Variants in PCNP observed in about 807,000 individuals in gnomAD.
PCNP encodes the protein PEST proteolytic signal-containing nuclear protein.
PCNP carries 6 observed loss-of-function variants against 21.8 expected under a neutral mutation model. That is an observed-to-expected ratio of 0.28 (90% CI 0.15 to 0.54). PCNP has a LOEUF of 0.54. PCNP is among the 20% of genes least tolerant of loss of function. The pLI is 0.95. For synonymous variants in PCNP, 67 were observed against 73.2 expected, an observed-to-expected ratio of 0.92 and a Z score of 0.43; for missense variants, 161 against 215.5, an observed-to-expected ratio of 0.75 and a Z score of 1.58.
intron 3 of PCNP, among the ~76,000 whole-genome samples, chr3:101,585,995 A>T (rs1478585265): frequency 2.6e-5 from 4 of 151,928 alleles, no homozygotes; most frequent in African/African-American, 7.3e-5. Context: ...ATATGGTGAA[A>T]CCCCATCTCT....
chr3:101,586,601 CAGAG>C (rs59827485), intron 3 of PCNP, among the ~76,000 whole-genome samples: 2,007 of 133,394 alleles, frequency 0.015, 49 homozygotes, highest in African/African-American at 0.052. Context: ...TTTCTTGTTT[CAGAG>C]AGAGAGAGAG....
chr3:101,577,770 C>T (rs1442252075), intron 1 of PCNP, among the ~76,000 whole-genome samples: 2 of 152,122 alleles, frequency 1.3e-5, no homozygotes, highest in Admixed American at 6.5e-5. Context: ...GTGATCCACC[C>T]GCCTTGGCCT....
rs766943025 is a variant in PCNP, at chr3:101,593,781, T to G, written c.*1028T>G. On this transcript the variant is annotated 3_prime_UTR_variant, in exon 5 of 5. Transcript: ENST00000265260. ...TACTGGTAAAATTATATGGTTTATT[T>G]TAAATGCGTACATATTGACCAATGG... The G allele has an allele frequency of 2.0e-5, 3 of 152,626 alleles. No individual in the cohort carries two copies. The highest frequency in any genetic ancestry group is 4.4e-5 in the Non-Finnish European group (3 of 68,020). 9.5% of individuals were successfully genotyped at this position (152,626 alleles called of 1,614,324 possible). A position where few individuals can be genotyped will look rare whatever the true frequency, so the allele number is the denominator to read the frequency against.
chr3:101,582,187 G>A (rs1028430084), intron 2 of PCNP, among the ~76,000 whole-genome samples: 8 of 149,708 alleles, frequency 5.3e-5, no homozygotes, highest in African/African-American at 2.0e-4. Context: ...GGGCGTGGTG[G>A]CTCACACCTG....
At position 101,574,229 on chromosome 3, in the gene PCNP, A is replaced by G; in HGVS notation, c.14A>G (p.Lys5Arg). 6.5e-7 allele frequency: 1 copy of G among 1,549,384 alleles called. No homozygotes were observed. Among genetic ancestry groups the G allele is most frequent in the Non-Finnish European group, 8.7e-7 (1 of 1,145,772 alleles). Residue 5 changes from lysine to arginine, a missense_variant, in exon 1 of 5, where the codon AAG (lysine) becomes AGG (arginine). Transcript: ENST00000265260. MADG[K>R]AGDEKPEKSQ... ...GCGGCGGGGAAAATGGCGGACGGGA[A>G]GGCGGGAGACGAGAAGCCTGAAAAG...
At chr3:101,581,171 A>G (rs1397758006) in intron 2 of PCNP, among the ~76,000 whole-genome samples, 1 of 152,184 alleles carries the variant, frequency 6.6e-6, no homozygotes, top group African/African-American at 2.4e-5. Flanking sequence ...AACAAAAAAC[A>G]TTGAGCTTAT....
At chr3:101,585,567 T>C in intron 3 of PCNP, 56 bp downstream of exon 3, 1 of 1,113,712 alleles carries the variant, frequency 9.0e-7, no homozygotes, top group Non-Finnish European at 1.4e-6. Flanking sequence ...AAGGAAGGTA[T>C]TAGTGGCAAA....
chr3:101,579,548 T>C (rs754078691), intron 1 of PCNP: 1 of 645,336 alleles, frequency 1.5e-6, no homozygotes, highest in East Asian at 3.2e-5. Flanking sequence ...TTTTGTGAAC[T>C]CTGTGTTTAT....
intron 4 of PCNP, among the ~76,000 whole-genome samples, chr3:101,590,817 G>A (rs569202445): frequency 4.6e-5 from 7 of 152,220 alleles, no homozygotes; most frequent in Admixed American, 1.3e-4. Flanking sequence ...CCAAAGTGCT[G>A]GGATTACAGG....
chr3:101,581,075 A>T (rs1347783443), intron 2 of PCNP, among the ~76,000 whole-genome samples: 1 of 152,186 alleles, frequency 6.6e-6, no homozygotes, highest in East Asian at 1.9e-4. Context: ...TTCTCATTTT[A>T]AAAAGCTGTT....
intron 3 of PCNP, among the ~76,000 whole-genome samples, chr3:101,588,156 G>A (rs554344901): frequency 1.3e-5 from 2 of 152,118 alleles, no homozygotes; most frequent in Admixed American, 1.3e-4. Flanking sequence ...CTGTAATCCC[G>A]GCTACTCGGG....
chr3:101,580,685 T>A (rs1449002626), intron 2 of PCNP, among the ~76,000 whole-genome samples: 1 of 152,194 alleles, frequency 6.6e-6, no homozygotes, highest in Non-Finnish European at 1.5e-5. Flanking sequence ...TTTGATCCTT[T>A]GTTTTAAGAT....
intron 3 of PCNP, among the ~76,000 whole-genome samples, chr3:101,586,719 C>A (rs1559962694): frequency 6.6e-6 from 1 of 151,392 alleles, no homozygotes; most frequent in Non-Finnish European, 1.5e-5. Flanking sequence ...CCACCTCAGC[C>A]CTCCAAGTAG....
intron 1 of PCNP, 64 bp downstream of exon 1, chr3:101,574,343 G>T: frequency 6.7e-7 from 1 of 1,487,170 alleles, no homozygotes; most frequent in Non-Finnish European, 9.1e-7. Context: ...GAGCTCCCAG[G>T]GTGGGGGGAG....
At position 101,589,243 on chromosome 3, in the gene PCNP, T is replaced by C. The variant is rs190204824; in HGVS notation, c.355-972T>C. Reference sequence around the variant, plus strand: ...ATTCAATAGGTTATAATGCTCAAATTGTCACAGATTTAACCAGTAGAAGTC... The same window carrying C: ...ATTCAATAGGTTATAATGCTCAAATCGTCACAGATTTAACCAGTAGAAGTC... On this transcript the variant is annotated intron_variant, in intron 3 of 4. Coordinates refer to ENST00000265260, the MANE Select transcript of PCNP (RefSeq NM_020357.3). 1.4e-4 allele frequency among the ~76,000 whole-genome samples: 21 copies of C among 152,274 alleles called. No homozygotes were observed. In the East Asian group the frequency reaches 3.1e-3, roughly 22 times the overall value.
chr3:101,585,555 T>C lies in PCNP; in HGVS notation c.354+44T>C, dbSNP rs768987590. Reference sequence around the variant, plus strand: ...TTGTTTTTTTACTTTAACCAGTTATTTAAGGAAGGTATTAGTGGCAAATTA... The same window carrying C: ...TTGTTTTTTTACTTTAACCAGTTATCTAAGGAAGGTATTAGTGGCAAATTA... On this transcript the variant is annotated intron_variant, in intron 3 of 4. Coordinates refer to ENST00000265260, the MANE Select transcript of PCNP (RefSeq NM_020357.3). The C allele has an allele frequency of 1.3e-5, 17 of 1,287,704 alleles. No individual in the cohort carries two copies. In the African/African-American group the frequency reaches 1.9e-4, roughly 15 times the overall value. The allele number at this position is 1,287,704 out of a possible 1,614,324, so 79.8% of individuals were successfully genotyped here. A position where few individuals can be genotyped will look rare whatever the true frequency, so the allele number is the denominator to read the frequency against.
rs2108297015 is a variant in PCNP, at chr3:101,593,942, A to C, written c.*1189A>C. The C allele has an allele frequency of 6.5e-6, 1 of 152,748 alleles. No homozygotes were observed. The highest frequency in any genetic ancestry group is 1.9e-4 in the East Asian group (1 of 5,188). The allele number at this position is 152,748 out of a possible 1,614,324, so 9.5% of individuals were successfully genotyped here. ...TGTTTGTTTTGTATTTTTGTATTGTATATGAACTTTTTTTAAATGTGACAG... is the reference window on the plus strand; with the variant it reads ...TGTTTGTTTTGTATTTTTGTATTGTCTATGAACTTTTTTTAAATGTGACAG... On this transcript the variant is annotated 3_prime_UTR_variant, in exon 5 of 5. Transcript: ENST00000265260.
chr3:101,591,363 GT>G (rs1337057687), intron 4 of PCNP, among the ~76,000 whole-genome samples: 1 of 149,282 alleles, frequency 6.7e-6, no homozygotes, highest in African/African-American at 2.4e-5. Flanking sequence ...GAACTGAGTG[GT>G]AAATCTTTTT....
At chr3:101,585,638 C>G (rs567618371) in intron 3 of PCNP, 127 bp downstream of exon 3, 1 of 581,990 alleles carries the variant, frequency 1.7e-6, no homozygotes, top group East Asian at 3.0e-5. Context: ...CTGTGTGTGA[C>G]ATCCATAAAA....
Sources: gnomAD v4.1 joint callset for allele counts (sites outside exome capture counted in the v4.1 genomes callset) on GRCh38, gnomAD v4.1.1 for gene constraint, MANE v1.5 for transcripts, NCBI Gene and HGNC (gene_info 2026-07-23, HGNC 2026-07-21) for gene names.